Variants in FBXO44 observed in about 807,000 individuals in gnomAD.
FBXO44 encodes F-box protein 44, also known as F-box only protein 44.
A neutral mutation model predicts 33.5 loss-of-function variants in FBXO44; 25 were observed. That is an observed-to-expected ratio of 0.75 (90% CI 0.54 to 1.04). FBXO44 has a LOEUF of 1.04. FBXO44 is among the 50% of genes least tolerant of loss of function. FBXO44 has a pLI of 0.00. For synonymous variants in FBXO44, 147 were observed against 152.8 expected (o/e 0.96, Z 0.28); for missense variants, 311 against 344.0 (o/e 0.90, Z 0.76).
chr1:11,657,578 A>G (rs1639891545), intron 2 of FBXO44, among the ~76,000 whole-genome samples: 1 of 152,102 alleles, frequency 6.6e-6, no homozygotes, highest in Non-Finnish European at 1.5e-5. Context: ...CATCTCTACA[A>G]AAAAATACAA....
intron 5 of FBXO44, among the ~76,000 whole-genome samples, chr1:11,659,671 T>G (rs1286192923): frequency 1.3e-5 from 2 of 152,068 alleles, no homozygotes; most frequent in African/African-American, 4.8e-5. Flanking sequence ...AAAAAAATTT[T>G]TTTTTGTAGA....
In FBXO44 at chr1:11,655,822, A is replaced by G. The variant is rs373962161; in HGVS notation, c.-14A>G. ...TTTCAACAGCTACAGGAGGGTGTCCAGAAGCCACAAGCCATGGCTGTGGGG... is the reference window on the plus strand; with the variant it reads ...TTTCAACAGCTACAGGAGGGTGTCCGGAAGCCACAAGCCATGGCTGTGGGG... On this transcript the variant is annotated 5_prime_UTR_variant, in exon 2 of 6. Coordinates refer to ENST00000251547, the MANE Select transcript of FBXO44 (RefSeq NM_033182.7). The G allele has an allele frequency of 1.2e-6, 2 of 1,611,694 alleles. No homozygotes were observed. Among genetic ancestry groups the G allele is most frequent in the South Asian group, 2.2e-5 (2 of 91,058 alleles).
intron 5 of FBXO44, 111 bp downstream of exon 5, chr1:11,658,982 A>G: frequency 7.3e-7 from 1 of 1,373,454 alleles, no homozygotes; most frequent in Non-Finnish European, 9.9e-7. Flanking sequence ...CTGTGCTTCC[A>G]ATGCTCTGAG....
In FBXO44 at chr1:11,661,222, C is replaced by T. The variant is rs201529160; in HGVS notation, c.717C>T (p.Tyr239=). 106 of 1,614,118 alleles carry T rather than the reference C, an allele frequency of 6.6e-5. 1 individual carries two copies. The highest frequency in any genetic ancestry group is 6.4e-4 in the African/African-American group (48 of 75,046). The change falls in exon 6 of 6, where the codon TAC becomes TAT. Residue 239 remains tyrosine (Y), a synonymous_variant. Coordinates refer to ENST00000251547, the MANE Select transcript of FBXO44 (RefSeq NM_033182.7). The surrounding 1 kb of genome is among the most constrained non-coding windows in gnomAD (Gnocchi z 4.4). ...ACACTCATTACTGGGCCGGCTGGTA[C>T]GGCCCGAGGGTCACCAACAGCAGCA... ...GVDTHYWAGW[Y]GPRVTNSSIT...
Position 11,661,375 on chromosome 1 carries a change from CCTCT to C in FBXO44, c.*103_*106del, listed in dbSNP as rs1640181196. The C allele has an allele frequency of 8.5e-6, 13 of 1,526,606 alleles. No homozygotes were observed. The highest frequency in any genetic ancestry group is 1.2e-5 in the Non-Finnish European group (13 of 1,121,446). 94.6% of individuals were successfully genotyped at this position (1,526,606 alleles called of 1,614,324 possible). A position where few individuals can be genotyped will look rare whatever the true frequency, so the allele number is the denominator to read the frequency against. On this transcript the variant is annotated 3_prime_UTR_variant, in exon 6 of 6. Coordinates refer to ENST00000251547, the MANE Select transcript of FBXO44 (RefSeq NM_033182.7). The surrounding 1 kb of genome is among the most constrained non-coding windows in gnomAD (Gnocchi z 4.4). ...GAGGTGGAGGCCAGGTGTCCCCAGA[CCTCT>C]AACCCTTGCCCCTAGCAGCCTCTTC...
At position 11,658,406 on chromosome 1, in the gene FBXO44, G is replaced by A. The variant is rs759974680; in HGVS notation, c.392+13G>A. The stretch of plus-strand genomic sequence containing the variant: ...TTACTTCATATTAGTAAGATCCGGG[G>A]ACTTGGGGTAGGGGAAAGCCCAAAT... On this transcript the variant is annotated intron_variant, in intron 3 of 5. Coordinates refer to ENST00000251547, the MANE Select transcript of FBXO44 (RefSeq NM_033182.7). 1 of 1,613,840 alleles carries A rather than the reference G, an allele frequency of 6.2e-7. No homozygotes were observed.
In FBXO44 at chr1:11,655,992, C is replaced by T. The variant is rs781121590; in HGVS notation, c.157C>T (p.Arg53Ter). 6 of 1,614,126 alleles carry T rather than the reference C, an allele frequency of 3.7e-6. No individual in the cohort carries two copies. The highest frequency in any genetic ancestry group is 5.1e-6 in the Non-Finnish European group (6 of 1,180,028). The change falls in exon 2 of 6, where the codon CGA (arginine) becomes TGA (stop). Residue 53 changes from arginine (R) to a stop codon, truncating the protein, a stop_gained. Coordinates refer to ENST00000251547, the MANE Select transcript of FBXO44 (RefSeq NM_033182.7). LOFTEE classifies it high-confidence loss of function. The part of the protein sequence containing the change: ...LVTLWKRKCL[R>*]EGFITEDWDQ... The stretch of plus-strand genomic sequence containing the variant: ...GACCCTCTGGAAACGCAAGTGCCTG[C>T]GAGAGGGCTTCATCACTGAGGACTG...
Position 11,661,148 on chromosome 1 carries a change from A to C in FBXO44, c.643A>C (p.Asn215His). ...CTGCCAGGTCTCCCACACATTCTCCAACTACCCGCCCGGCGTCCGCTACAT... is the reference window on the plus strand; with the variant it reads ...CTGCCAGGTCTCCCACACATTCTCCCACTACCCGCCCGGCGTCCGCTACAT... The part of the protein sequence containing the change: ...KWREVSHTFS[N>H]YPPGVRYIWF... Residue 215 changes from asparagine to histidine, a missense_variant, in exon 6 of 6, where the codon AAC becomes CAC. By Grantham distance (68) the Asn-to-His change is moderately conservative. Transcript: ENST00000251547. The surrounding 1 kb of genome is among the most constrained non-coding windows in gnomAD (Gnocchi z 4.4). The C allele has an allele frequency of 6.2e-7, 1 of 1,612,842 alleles. No homozygotes were observed. Among genetic ancestry groups the C allele is most frequent in the Non-Finnish European group, 8.5e-7 (1 of 1,179,260 alleles).
intron 5 of FBXO44, among the ~76,000 whole-genome samples, chr1:11,659,821 G>A (rs1010337946): frequency 7.2e-5 from 11 of 152,128 alleles, no homozygotes; most frequent in African/African-American, 2.2e-4. Flanking sequence ...TTAAAATGGC[G>A]GATACGAATA....
chr1:11,661,392 T>TA lies in FBXO44; in HGVS notation c.*120dup. The TA allele has an allele frequency of 1.4e-6, 2 of 1,432,936 alleles. No homozygotes were observed. Among genetic ancestry groups the TA allele is most frequent in the Non-Finnish European group, 1.9e-6 (2 of 1,053,292 alleles). 88.8% of individuals were successfully genotyped at this position (1,432,936 alleles called of 1,614,324 possible). On this transcript the variant is annotated 3_prime_UTR_variant, in exon 6 of 6. Transcript: ENST00000251547. The surrounding 1 kb of genome is among the most constrained non-coding windows in gnomAD (Gnocchi z 4.4). ...TCCCCAGACCTCTAACCCTTGCCCC[T>TA]AGCAGCCTCTTCTTTGTGGAGCCTC...
chr1:11,654,503 C>T, upstream of FBXO44: 1 of 563,720 alleles, frequency 1.8e-6, no homozygotes, highest in Non-Finnish European at 2.7e-6. Flanking sequence ...GGCCCCGCGC[C>T]CGGCCGCCCC....
At chr1:11,655,706 C>A in intron 1 of FBXO44, 100 bp from the exon 2 acceptor site, 1 of 1,284,916 alleles carries the variant, frequency 7.8e-7, no homozygotes, top group Non-Finnish European at 1.1e-6. Flanking sequence ...GGAGGTAAGG[C>A]ATCCATTTAC....
In FBXO44 at chr1:11,656,096, T is replaced by A. The variant is rs372766589; in HGVS notation, c.261T>A (p.Ala87=). ...GGAACCTCCTGCACAACCCGTGCGCTGAAGGTGGGGTACAGGCCGGGTCTG... is the reference window on the plus strand; with the variant it reads ...GGAACCTCCTGCACAACCCGTGCGCAGAAGGTGGGGTACAGGCCGGGTCTG... ...LHRNLLHNPC[A]EEGFEFWSLD... Residue 87 remains alanine, a synonymous_variant, in exon 2 of 6, where the codon GCT becomes GCA. Coordinates refer to ENST00000251547, the MANE Select transcript of FBXO44 (RefSeq NM_033182.7). The A allele has an allele frequency of 6.2e-7, 1 of 1,613,358 alleles. No homozygotes were observed. The highest frequency in any genetic ancestry group is 8.5e-7 in the Non-Finnish European group (1 of 1,179,494).
intron 5 of FBXO44, among the ~76,000 whole-genome samples, chr1:11,659,550 G>C (rs1640050151): frequency 6.6e-6 from 1 of 152,178 alleles, no homozygotes; most frequent in Admixed American, 6.5e-5. Flanking sequence ...CTGTCACCCA[G>C]GCTGGCGCAT....
Position 11,662,085 on chromosome 1 carries a change from T to G in FBXO44, c.*812T>G, listed in dbSNP as rs1448953316. On this transcript the variant is annotated 3_prime_UTR_variant, in exon 6 of 6. Transcript: ENST00000251547. ...ATGGTAGGGGGTTTGAAGAATCCCC[T>G]GTCCACCTCCCAAATCCAGGCCCGG... 6.6e-6 allele frequency: 1 copy of G among 152,160 alleles called. No homozygotes were observed. The highest frequency in any genetic ancestry group is 2.4e-5 in the African/African-American group (1 of 41,404). The allele number at this position is 152,160 out of a possible 1,614,324, so 9.4% of individuals were successfully genotyped here. A position where few individuals can be genotyped will look rare whatever the true frequency, so the allele number is the denominator to read the frequency against.
intron 4 of FBXO44, 50 bp downstream of exon 4, chr1:11,658,678 C>CCCCCCCCCCCCCCCCCCCCAA: frequency 6.2e-7 from 1 of 1,603,752 alleles, no homozygotes; most frequent in Non-Finnish European, 8.5e-7. Flanking sequence ...ATCAGGCGCC[C>CCCCCCCCCCCCCCCCCCCCAA]CACCCCCGCC....
rs1388600464 is a variant in FBXO44, at chr1:11,662,944, CTTTTCTTTTCTTTTTTT to C, written c.*1676_*1692del. The C allele has an allele frequency of 7.4e-6, 1 of 134,454 alleles. No individual in the cohort carries two copies. Among genetic ancestry groups the C allele is most frequent in the Non-Finnish European group, 1.5e-5 (1 of 64,852 alleles). 8.3% of individuals were successfully genotyped at this position (134,454 alleles called of 1,614,324 possible). ...CACCATGATTGTAAGTTCCTTTTTT[CTTTTCTTTTCTTTTTTT>C]TTTTTTTTTTTTTGAGATGGAGTCT... On this transcript the variant is annotated 3_prime_UTR_variant, in exon 6 of 6. Coordinates refer to ENST00000251547, the MANE Select transcript of FBXO44 (RefSeq NM_033182.7).
In FBXO44 at chr1:11,661,234, C is replaced by T. The variant is rs1259936848; in HGVS notation, c.729C>T (p.Val243=). 6.2e-7 allele frequency: 1 copy of T among 1,614,052 alleles called. No homozygotes were observed. Among genetic ancestry groups the T allele is most frequent in the African/African-American group, 1.3e-5 (1 of 74,940 alleles). Residue 243 remains valine (V), a synonymous_variant, in exon 6 of 6, where the codon GTC becomes GTT. Transcript: ENST00000251547. This position sits in a 1 kb window ranked among gnomAD's most constrained non-coding sequence, Gnocchi z 4.4. ...HYWAGWYGPR[V]TNSSITIGPP... ...GGGCCGGCTGGTACGGCCCGAGGGT[C>T]ACCAACAGCAGCATCACCATCGGGC...
At chr1:11,659,320 G>A (rs913521625) in intron 5 of FBXO44, among the ~76,000 whole-genome samples, 8 of 152,136 alleles carry the variant, frequency 5.3e-5, no homozygotes, top group East Asian at 1.9e-4. Context: ...GGAGGTTGCC[G>A]TGAGCCGAGA....
Sources: allele counts gnomAD v4.1 joint callset (sites outside exome capture counted in the v4.1 genomes callset), GRCh38; gene constraint gnomAD v4.1.1; non-coding constraint Gnocchi (gnomAD v3.1); transcripts MANE v1.5; gene names NCBI Gene and HGNC (gene_info 2026-07-23, HGNC 2026-07-21).